DYNC1I1: variants seen among roughly 807,000 people sequenced by gnomAD.
The protein encoded by DYNC1I1 is dynein cytoplasmic 1 intermediate chain 1.
A neutral mutation model predicts 86.6 loss-of-function variants in DYNC1I1; 43 were observed. The ratio of observed to expected loss-of-function variants is 0.50; its 90% CI spans 0.39 to 0.64. The LOEUF (loss-of-function observed/expected upper bound fraction) is 0.64. DYNC1I1 is among the 30% of genes least tolerant of loss of function. The probability of loss-of-function intolerance (pLI) is 0.00; values close to 1 mark genes in which losing one functional copy is unlikely to be tolerated. For missense variants in DYNC1I1, 604 were observed against 788.8 expected, an observed-to-expected ratio of 0.77 and a Z score of 2.81; for synonymous variants, 262 against 283.7, an observed-to-expected ratio of 0.92 and a Z score of 0.77.
intron 9 of DYNC1I1, among the ~76,000 whole-genome samples, chr7:95,993,707 T>G (rs1280209590): frequency 6.6e-6 from 1 of 152,186 alleles, no homozygotes; most frequent in East Asian, 1.9e-4. Flanking sequence ...ACATTGTAAC[T>G]CTCTGCAGAT....
In DYNC1I1 at chr7:96,067,596, C is replaced by T. The variant is rs150494000; in HGVS notation, c.1510-8461C>T. ...CTTTTACCTCCACCTCTACCCTACCCACCCCCAAACATTCATACATTTATC... is the reference window on the plus strand; with the variant it reads ...CTTTTACCTCCACCTCTACCCTACCTACCCCCAAACATTCATACATTTATC... On this transcript the variant is annotated intron_variant, in intron 14 of 16. Coordinates refer to ENST00000447467, the MANE Select transcript of DYNC1I1 (RefSeq NM_001135556.2). Among the ~76,000 whole-genome samples the T allele has an allele frequency of 6.0e-4, 92 of 152,202 alleles. 2 individuals carry two copies. In the East Asian group the frequency reaches 0.017, roughly 28 times the overall value.
At chr7:95,839,495 A>C (rs969089406) in intron 5 of DYNC1I1, among the ~76,000 whole-genome samples, 1 of 152,066 alleles carries the variant, frequency 6.6e-6, no homozygotes, top group Admixed American at 6.5e-5. Context: ...TTGGTGTTGC[A>C]GTTCATATCT....
chr7:96,092,743 C>T (rs1240377702), intron 16 of DYNC1I1, among the ~76,000 whole-genome samples: 2 of 152,100 alleles, frequency 1.3e-5, no homozygotes, highest in Non-Finnish European at 2.9e-5. Flanking sequence ...GGTGGTGGGG[C>T]TCTGGGAGGC....
chr7:95,861,721 A>G (rs1562925856), intron 5 of DYNC1I1, among the ~76,000 whole-genome samples: 1 of 152,170 alleles, frequency 6.6e-6, no homozygotes, highest in African/African-American at 2.4e-5. Flanking sequence ...TGAATTGTAT[A>G]GTATCTAACT....
chr7:95,785,443 G>T (rs1034583760), intron 1 of DYNC1I1, among the ~76,000 whole-genome samples: 7 of 151,916 alleles, frequency 4.6e-5, no homozygotes, highest in Admixed American at 4.6e-4. Flanking sequence ...CAAAAACCAA[G>T]AAATGTTGCT....
intron 7 of DYNC1I1, among the ~76,000 whole-genome samples, chr7:95,982,058 G>T (rs368220908): frequency 1.8e-4 from 27 of 152,012 alleles, no homozygotes; most frequent in African/African-American, 6.0e-4. Context: ...ACACCTTTTG[G>T]TTGTGGTTCC....
chr7:96,053,744 C>CTT (rs34055694), intron 14 of DYNC1I1, among the ~76,000 whole-genome samples: 2 of 151,760 alleles, frequency 1.3e-5, no homozygotes, highest in East Asian at 1.9e-4. Context: ...CATACTTACA[C>CTT]TTTTTTTTAG....
chr7:95,941,072 C>A (rs927304470), intron 6 of DYNC1I1, among the ~76,000 whole-genome samples: 1 of 152,240 alleles, frequency 6.6e-6, no homozygotes, highest in Non-Finnish European at 1.5e-5. Flanking sequence ...ACTCCAGACA[C>A]TGTTTGCCTG....
intron 10 of DYNC1I1, among the ~76,000 whole-genome samples, chr7:96,006,430 G>A (rs2115822560): frequency 6.6e-6 from 1 of 152,146 alleles, no homozygotes; most frequent in South Asian, 2.1e-4. Context: ...ATGTTTTATT[G>A]CATCTTCTCT....
chr7:96,011,992 A>G (rs1316766537), intron 10 of DYNC1I1, among the ~76,000 whole-genome samples: 1 of 152,188 alleles, frequency 6.6e-6, no homozygotes, highest in African/African-American at 2.4e-5. Flanking sequence ...CAATTGAAAA[A>G]CTTAAAAAAT....
intron 1 of DYNC1I1, among the ~76,000 whole-genome samples, chr7:95,785,221 G>A: frequency 6.6e-6 from 1 of 152,058 alleles, no homozygotes; most frequent in East Asian, 1.9e-4. Flanking sequence ...AGACCAGCCT[G>A]GACAACATGG....
intron 5 of DYNC1I1, among the ~76,000 whole-genome samples, chr7:95,828,809 C>T (rs374476840): frequency 4.1e-4 from 63 of 152,060 alleles, no homozygotes; most frequent in African/African-American, 1.4e-3. Context: ...AATTTATTTC[C>T]GTTGTAGGAT....
At chr7:96,043,443 AGACCGCT>A (rs1030615088) in intron 14 of DYNC1I1, among the ~76,000 whole-genome samples, 2 of 152,058 alleles carry the variant, frequency 1.3e-5, no homozygotes, top group African/African-American at 4.8e-5. Context: ...AACCAAACCC[AGACCGCT>A]GGCATATCTA....
chr7:95,927,522 TG>T (rs1791777444), intron 6 of DYNC1I1, among the ~76,000 whole-genome samples: 1 of 152,222 alleles, frequency 6.6e-6, no homozygotes, highest in South Asian at 2.1e-4. Context: ...ACTATATAGA[TG>T]TTAAATTTAT....
At chr7:95,918,916 G>C (rs1791539295) in intron 6 of DYNC1I1, among the ~76,000 whole-genome samples, 1 of 152,108 alleles carries the variant, frequency 6.6e-6, no homozygotes, top group Non-Finnish European at 1.5e-5. Context: ...CAATGTATCA[G>C]AACTTAAATC....
intron 10 of DYNC1I1, among the ~76,000 whole-genome samples, chr7:96,006,225 T>C (rs577447620): frequency 1.3e-5 from 2 of 152,174 alleles, no homozygotes; most frequent in Non-Finnish European, 2.9e-5. Context: ...ATAATCAATT[T>C]TTTAAATAAA....
intron 1 of DYNC1I1, among the ~76,000 whole-genome samples, chr7:95,784,722 C>CT (rs1794083794): frequency 6.6e-6 from 1 of 152,176 alleles, no homozygotes; most frequent in Non-Finnish European, 1.5e-5. Context: ...GCTGGGCTGT[C>CT]TGTGAGGTAG....
chr7:95,995,169 C>T (rs995579282), intron 9 of DYNC1I1, among the ~76,000 whole-genome samples: 2 of 152,012 alleles, frequency 1.3e-5, no homozygotes, highest in African/African-American at 4.8e-5. Context: ...ATGGCGTGAA[C>T]CCCTGAGGTG....
At chr7:96,025,533 G>T (rs756420800) in intron 10 of DYNC1I1, among the ~76,000 whole-genome samples, 4 of 152,036 alleles carry the variant, frequency 2.6e-5, no homozygotes, top group Non-Finnish European at 4.4e-5. Context: ...GCTGCAAGGT[G>T]GTGTTACTCT....
Sources: allele counts gnomAD v4.1 joint callset (sites outside exome capture counted in the v4.1 genomes callset), GRCh38; gene constraint gnomAD v4.1.1; transcripts MANE v1.5; gene names NCBI Gene and HGNC (gene_info 2026-07-23, HGNC 2026-07-21).